MED14: variants seen among roughly 807,000 people sequenced by gnomAD.
MED14 encodes the protein mediator of RNA polymerase II transcription subunit 14.
MED14 carries 8 observed loss-of-function variants against 109.0 expected under a neutral mutation model. The ratio of observed to expected loss-of-function variants is 0.07; its 90% confidence interval spans 0.04 to 0.13. The LOEUF (loss-of-function observed/expected upper bound fraction) is 0.13. MED14 is among the 10% of genes least tolerant of loss of function. The pLI is 1.00. For synonymous variants in MED14, 399 were observed against 408.7 expected (o/e 0.98, Z 0.29); for missense variants, 711 against 1,142.4 (o/e 0.62, Z 5.44).
chrX:40,675,412 TA>T, intron 21 of MED14, 51 bp from the exon 22 acceptor site: 1 of 893,069 alleles, frequency 1.1e-6, no homozygotes, highest in Non-Finnish European at 1.5e-6. Flanking sequence ...ACATTATTAG[TA>T]AAATATTTTA....
intron 28 of MED14, among the ~76,000 whole-genome samples, chrX:40,657,480 C>A (rs1200743387): frequency 9.0e-6 from 1 of 111,253 alleles, no homozygotes; most frequent in Non-Finnish European, 1.9e-5. Context: ...CCACCTGAAG[C>A]TAAGAGAAAC....
At chrX:40,677,165 C>A (rs1929936127) in intron 21 of MED14, among the ~76,000 whole-genome samples, 1 of 112,059 alleles carries the variant, frequency 8.9e-6, no homozygotes, top group Non-Finnish European at 1.9e-5. Context: ...GGATCAAAGT[C>A]TACATAAATT....
rs771030157 is a variant in MED14 at position 40,712,782 on chromosome X, A to G, written c.781+132T>C. ...TCAAACTCCTGAGCTCAAGCGATCCACCTGCCTTGGCCTCCCAAAGTAGTG... is the reference window on the plus strand; with the variant it reads ...TCAAACTCCTGAGCTCAAGCGATCCGCCTGCCTTGGCCTCCCAAAGTAGTG... On this transcript the variant is annotated intron_variant, in intron 6 of 30. Coordinates refer to ENST00000324817, the MANE Select transcript of MED14 (RefSeq NM_004229.4). 9 of 619,910 alleles carry G rather than the reference A, an allele frequency of 1.5e-5. No individual in the cohort carries two copies. In the East Asian group the frequency reaches 3.1e-4, roughly 22 times the overall value. The allele number at this position is 619,910 out of a possible 1,213,427, so 51.1% of individuals were successfully genotyped here.
Position 40,712,299 on chromosome X carries a change from G to A in MED14, c.782-6C>T, listed in dbSNP as rs376840418. 8.4e-5 allele frequency: 99 copies of A among 1,173,119 alleles called. No homozygotes were observed. The highest frequency in any genetic ancestry group is 8.0e-4 in the African/African-American group (45 of 56,157). On this transcript the variant is annotated splice_region_variant and splice_polypyrimidine_tract_variant and intron_variant, in intron 6 of 30. Coordinates refer to ENST00000324817, the MANE Select transcript of MED14 (RefSeq NM_004229.4). ...ATGAACCAAAGCTCGCCCATCTTCCGTTGGCAGAAGAAAAGAAAGCAGTTA... is the reference window on the plus strand; with the variant it reads ...ATGAACCAAAGCTCGCCCATCTTCCATTGGCAGAAGAAAAGAAAGCAGTTA...
chrX:40,732,302 T>C (rs766824991), intron 1 of MED14, among the ~76,000 whole-genome samples: 1 of 112,530 alleles, frequency 8.9e-6, no homozygotes, highest in Non-Finnish European at 1.9e-5. Context: ...GTAGATCACC[T>C]GAAGTTGGGA....
chrX:40,659,399 A>C (rs772133009), intron 27 of MED14, 29 bp downstream of exon 27: 7 of 1,184,252 alleles, frequency 5.9e-6, no homozygotes, highest in Admixed American at 2.2e-5. Context: ...CATTAATTAT[A>C]TTCAAATTAT....
At chrX:40,677,680 AC>A (rs1235303569) in intron 21 of MED14, among the ~76,000 whole-genome samples, 1 of 112,179 alleles carries the variant, frequency 8.9e-6, no homozygotes, top group African/African-American at 3.2e-5. Context: ...AGACAAAAAA[AC>A]AAAAGAAATA....
At chrX:40,671,035 T>C (rs902567968) in intron 23 of MED14, among the ~76,000 whole-genome samples, 3 of 112,107 alleles carry the variant, frequency 2.7e-5, no homozygotes, top group African/African-American at 9.7e-5. Context: ...TAATTTCTTA[T>C]ATTTTACAAC....
At chrX:40,693,816 T>C (rs1234779664) in intron 13 of MED14, among the ~76,000 whole-genome samples, 2 of 111,670 alleles carry the variant, frequency 1.8e-5, no homozygotes, top group African/African-American at 6.5e-5. Context: ...TTAACACTGA[T>C]ACAAAGCTTA....
intron 15 of MED14, among the ~76,000 whole-genome samples, chrX:40,690,423 T>C (rs1256876652): frequency 9.0e-6 from 1 of 111,143 alleles, no homozygotes; most frequent in Non-Finnish European, 1.9e-5. Context: ...CCTGGTTTTT[T>C]TGTTTGTTTG....
intron 21 of MED14, among the ~76,000 whole-genome samples, chrX:40,678,201 G>A (rs1314710736): frequency 8.9e-6 from 1 of 111,771 alleles, no homozygotes; most frequent in Non-Finnish European, 1.9e-5. Context: ...TGAACACTGT[G>A]TAGAAAGCCC....
chrX:40,681,982 A>G (rs1435045763), intron 18 of MED14, 39 bp from the exon 19 acceptor site: 4 of 686,883 alleles, frequency 5.8e-6, no homozygotes, highest in African/African-American at 2.3e-5. Context: ...AATATTATAC[A>G]TGTAAAATTT....
At chrX:40,718,126 A>T (rs1227888969) in intron 3 of MED14, among the ~76,000 whole-genome samples, 3 of 112,147 alleles carry the variant, frequency 2.7e-5, no homozygotes, top group Non-Finnish European at 5.6e-5. Context: ...ATTTCTTCTA[A>T]TTCTTAGTTA....
In MED14 at chrX:40,679,855, G is replaced by A; in HGVS notation, c.2880+9C>T. 1 of 1,206,340 alleles carries A rather than the reference G, an allele frequency of 8.3e-7. No individual in the cohort carries two copies. Among genetic ancestry groups the A allele is most frequent in the Non-Finnish European group, 1.1e-6 (1 of 892,446 alleles). ...TGTTTACTCATGTTATAACACTAAA[G>A]TCTGTTACCTTTAGTCCTGGTGCAG... On this transcript the variant is annotated intron_variant, in intron 21 of 30. Coordinates refer to ENST00000324817, the MANE Select transcript of MED14 (RefSeq NM_004229.4).
upstream of MED14, chrX:40,735,676 C>T (rs1197051847): frequency 2.1e-6 from 1 of 482,223 alleles, no homozygotes; most frequent in South Asian, 2.5e-5. Context: ...GAAGCTGCGC[C>T]TCCGCAAACG....
intron 10 of MED14, among the ~76,000 whole-genome samples, chrX:40,705,365 T>A (rs1414170576): frequency 8.9e-6 from 1 of 111,856 alleles, no homozygotes; most frequent in Non-Finnish European, 1.9e-5. Context: ...TTCAATCTAA[T>A]TACCACAATT....
At chrX:40,670,482 C>A (rs1232795513) in intron 23 of MED14, among the ~76,000 whole-genome samples, 1 of 112,082 alleles carries the variant, frequency 8.9e-6, no homozygotes, top group East Asian at 2.8e-4. Context: ...AAAGGAGAGG[C>A]CGGGCGCGGT....
intron 30 of MED14, 112 bp downstream of exon 30, chrX:40,654,252 T>C: frequency 1.5e-6 from 1 of 647,359 alleles, no homozygotes; most frequent in Non-Finnish European, 2.3e-6. Flanking sequence ...TCTATTGCTA[T>C]GATTGGGTGG....
chrX:40,735,716 A>G (rs938992577), upstream of MED14: 1 of 443,623 alleles, frequency 2.3e-6, no homozygotes, highest in East Asian at 4.7e-5. Context: ...GACAGCCGCA[A>G]CGTACATGTT....
Sources: gnomAD v4.1 joint callset for allele counts (sites outside exome capture counted in the v4.1 genomes callset) on GRCh38, gnomAD v4.1.1 for gene constraint, MANE v1.5 for transcripts, NCBI Gene and HGNC (gene_info 2026-07-23, HGNC 2026-07-21) for gene names.